HYDIN: variants seen among roughly 807,000 people sequenced by gnomAD.
The protein encoded by HYDIN is HYDIN axonemal central pair apparatus protein.
A neutral mutation model predicts 403.9 loss-of-function variants in HYDIN; 132 were observed. The observed-to-expected ratio is 0.33, with a 90% CI of 0.28 to 0.38. The LOEUF is 0.38. Ranked by LOEUF, HYDIN falls within the 10% of genes least tolerant of loss-of-function variation. The pLI, the probability that HYDIN is intolerant of heterozygous loss-of-function variation, is 1.00. For missense variants in HYDIN, 2,827 were observed against 5,009.5 expected, an observed-to-expected ratio of 0.56 and a Z score of 13.15; for synonymous variants, 1,202 against 1,891.7, an observed-to-expected ratio of 0.64 and a Z score of 9.46.
intron 19 of HYDIN, among the ~76,000 whole-genome samples, chr16:71,030,237 T>C (rs1469395536): frequency 6.6e-6 from 1 of 151,518 alleles, no homozygotes; most frequent in Non-Finnish European, 1.5e-5. Flanking sequence ...TTCGTAGAGA[T>C]AGGGGGGTCT....
Position 71,042,381 on chromosome 16 carries a change from A to G in HYDIN, c.2530-10464T>C, listed in dbSNP as rs952965230. On this transcript the variant is annotated intron_variant, in intron 18 of 85. Transcript: ENST00000393567. Reference sequence around the variant, plus strand: ...CTAAGTACTCTACTGCTACTTCTTAAGTTTTCAGTTTGCACATTATTCATT... The same window carrying G: ...CTAAGTACTCTACTGCTACTTCTTAGGTTTTCAGTTTGCACATTATTCATT... Among the ~76,000 whole-genome samples, 8 of 151,860 alleles carry G rather than the reference A, an allele frequency of 5.3e-5. No individual in the cohort carries two copies. In the South Asian group the frequency reaches 1.5e-3, roughly 28 times the overall value.
chr16:71,102,071 A>G (rs2083470764), intron 10 of HYDIN, among the ~76,000 whole-genome samples: 1 of 152,144 alleles, frequency 6.6e-6, no homozygotes, highest in Non-Finnish European at 1.5e-5. Flanking sequence ...ATATTTATGT[A>G]AAGTTTGAAA....
At chr16:71,206,567 C>T (rs745632819) in intron 1 of HYDIN, among the ~76,000 whole-genome samples, 2 of 152,118 alleles carry the variant, frequency 1.3e-5, no homozygotes, top group Non-Finnish European at 2.9e-5. Context: ...GGGTTCTTAA[C>T]CAGACTGAGA....
chr16:71,208,422 A>C (rs997881359), intron 1 of HYDIN, among the ~76,000 whole-genome samples: 11 of 152,220 alleles, frequency 7.2e-5, no homozygotes, highest in Non-Finnish European at 1.3e-4. Flanking sequence ...TTAAGAGGGA[A>C]ATTTATAGCA....
chr16:71,055,894 C>T (rs1389324279), intron 18 of HYDIN, among the ~76,000 whole-genome samples: 1 of 152,074 alleles, frequency 6.6e-6, no homozygotes, highest in Admixed American at 6.6e-5. Context: ...AAGTGCCGAG[C>T]AAGGCACTTC....
intron 5 of HYDIN, among the ~76,000 whole-genome samples, chr16:71,175,065 T>C (rs2086613606): frequency 6.7e-6 from 1 of 149,562 alleles, no homozygotes; most frequent in South Asian, 2.1e-4. Context: ...CACCACCATC[T>C]ACACCACCAT....
At chr16:70,859,442 C>T (rs1532829) in intron 71 of HYDIN, among the ~76,000 whole-genome samples, 1 of 152,208 alleles carries the variant, frequency 6.6e-6, no homozygotes, top group Non-Finnish European at 1.5e-5. Context: ...CCCTGTATTA[C>T]CCACAAATGT....
At chr16:71,038,089 G>A (rs371944770) in intron 18 of HYDIN, among the ~76,000 whole-genome samples, 40 of 152,308 alleles carry the variant, frequency 2.6e-4, no homozygotes, top group African/African-American at 9.6e-4. Context: ...AGCCAGAGTC[G>A]TTTGAGCAGC....
rs565339374 is a variant in HYDIN at position 71,034,755 on chromosome 16, A to C, written c.2530-2838T>G. ...TTTCAAGGTTTTAAATTGTATATAA[A>C]TGAGGATGCAGATGAATGATAATGA... On this transcript the variant is annotated intron_variant, in intron 18 of 85. Transcript: ENST00000393567. Among the ~76,000 whole-genome samples, 9 of 150,738 alleles carry C rather than the reference A, an allele frequency of 6.0e-5. No individual in the cohort carries two copies. The South Asian group carries it at 1.0e-3, about 18-fold the overall frequency.
chr16:70,905,954 G>C (rs1477022473), intron 50 of HYDIN, among the ~76,000 whole-genome samples: 1 of 151,614 alleles, frequency 6.6e-6, no homozygotes, highest in African/African-American at 2.4e-5. Context: ...TTTTAATCCA[G>C]CATCTCAGGG....
At position 70,901,022 on chromosome 16, in the gene HYDIN, C is replaced by G; in HGVS notation, c.9030G>C (p.Lys3010Asn). The change falls in exon 53 of 86, where the codon AAG becomes AAC. Residue 3010 changes from lysine to asparagine, a missense_variant. By Grantham distance (94) the Lys-to-Asn change is moderately conservative (BLOSUM62 0). Transcript: ENST00000393567. ...YFQPTKPVNI[K>N]KAIRLEVLDA... The stretch of plus-strand genomic sequence containing the variant: ...GCCTCACCTCCAACCGAATAGCCTT[C>G]TTGATGTTGACAGGCTTGGTGGGCT... 2 of 623,150 alleles carry G rather than the reference C, an allele frequency of 3.2e-6. No individual in the cohort carries two copies. Among genetic ancestry groups the G allele is most frequent in the South Asian group, 1.9e-5 (1 of 52,590 alleles). 38.6% of individuals were successfully genotyped at this position (623,150 alleles called of 1,614,324 possible).
chr16:70,890,345 C>T (rs1051946945), intron 57 of HYDIN, among the ~76,000 whole-genome samples: 2 of 152,158 alleles, frequency 1.3e-5, no homozygotes, highest in Admixed American at 6.5e-5. Context: ...TTTGTATGAA[C>T]TTGTGCATGC....
At chr16:70,824,891 T>C (rs2968374) in intron 83 of HYDIN, among the ~76,000 whole-genome samples, 3 of 152,048 alleles carry the variant, frequency 2.0e-5, no homozygotes, top group Non-Finnish European at 4.4e-5. Context: ...TGTTCTGTTG[T>C]CCAGGTGGAG....
intron 5 of HYDIN, among the ~76,000 whole-genome samples, chr16:71,168,326 A>T (rs983938738): frequency 6.8e-6 from 1 of 146,828 alleles, no homozygotes; most frequent in African/African-American, 2.5e-5. Flanking sequence ...CTTCAAAAAA[A>T]AAAAAAAAAA....
chr16:71,150,446 GAAT>G (rs1386543181), intron 7 of HYDIN, among the ~76,000 whole-genome samples: 9 of 151,800 alleles, frequency 5.9e-5, no homozygotes, highest in African/African-American at 2.2e-4. Context: ...TTAAGTATTG[GAAT>G]AATAGAGTAT....
chr16:70,916,961 T>C (rs1183610934), intron 47 of HYDIN, among the ~76,000 whole-genome samples: 1 of 152,100 alleles, frequency 6.6e-6, no homozygotes, highest in Non-Finnish European at 1.5e-5. Flanking sequence ...TCTCACTCTA[T>C]TGCCCAGGCT....
intron 10 of HYDIN, among the ~76,000 whole-genome samples, chr16:71,100,521 T>C (rs1219515945): frequency 6.6e-6 from 1 of 152,160 alleles, no homozygotes; most frequent in Non-Finnish European, 1.5e-5. Flanking sequence ...GTAATTAACA[T>C]AGTGTGGTAC....
intron 45 of HYDIN, among the ~76,000 whole-genome samples, chr16:70,933,139 G>A (rs1020070078): frequency 2.0e-5 from 3 of 151,970 alleles, no homozygotes; most frequent in Non-Finnish European, 4.4e-5. Flanking sequence ...TAGCTACACA[G>A]TACCACAGCA....
chr16:70,892,651 G>A (rs1260314160), intron 55 of HYDIN, 122 bp from the exon 56 acceptor site: 29 of 874,110 alleles, frequency 3.3e-5, no homozygotes, highest in East Asian at 2.7e-4. Context: ...CACTACGTCC[G>A]GCGGAGTCCA....
Sources: gnomAD v4.1 joint callset for allele counts (sites outside exome capture counted in the v4.1 genomes callset) on GRCh38, gnomAD v4.1.1 for gene constraint, MANE v1.5 for transcripts, NCBI Gene and HGNC (gene_info 2026-07-23, HGNC 2026-07-21) for gene names.